The following LRP1B variants were observed in gnomAD, a reference collection of about 807,000 sequenced individuals.
LRP1B encodes low-density lipoprotein receptor-related protein 1B.
In LRP1B, 217 loss-of-function variants were observed where a neutral mutation model predicts 556.6. That is an observed-to-expected ratio of 0.39 (90% CI 0.35 to 0.44). The LOEUF is 0.44. Among genes scored for constraint, LRP1B ranks in the 20% least tolerant of loss-of-function variants. The pLI is 1.00. For synonymous variants in LRP1B, 2,047 were observed against 1,865.8 expected, an observed-to-expected ratio of 1.10 and a Z score of -2.50; for missense variants, 5,053 against 5,620.8, an observed-to-expected ratio of 0.90 and a Z score of 3.23.
chr2:141,323,798 A>G lies in LRP1B; in HGVS notation c.344-69157T>C, dbSNP rs115757927. On this transcript the variant is annotated intron_variant, in intron 3 of 90. Coordinates refer to ENST00000389484, the MANE Select transcript of LRP1B (RefSeq NM_018557.3). ...ATAACTTCTTCCCAACCTTTCCACA[A>G]ACTCAGAACTCAGCTTAAAAGTGAA... Among the ~76,000 whole-genome samples, 910 of 151,936 alleles carry G rather than the reference A, an allele frequency of 6.0e-3. 4 individuals are homozygous for G. Among genetic ancestry groups the G allele is most frequent in the African/African-American group, 0.02 (828 of 41,430 alleles).
At chr2:140,399,900 T>C (rs147362233) in intron 66 of LRP1B, among the ~76,000 whole-genome samples, 1 of 152,320 alleles carries the variant, frequency 6.6e-6, no homozygotes, top group East Asian at 1.9e-4. Flanking sequence ...TAGACAGTCT[T>C]TGGTATTCCC....
intron 49 of LRP1B, 89 bp from the exon 50 acceptor site, chr2:140,517,100 A>G: frequency 1.1e-6 from 1 of 902,726 alleles, no homozygotes; most frequent in Non-Finnish European, 1.8e-6. Flanking sequence ...AAACTGAAAG[A>G]GATAAATAAC....
At chr2:140,959,168 A>C (rs1416309952) in intron 18 of LRP1B, among the ~76,000 whole-genome samples, 1 of 151,620 alleles carries the variant, frequency 6.6e-6, no homozygotes, top group African/African-American at 2.4e-5. Context: ...AGATGGATAC[A>C]TAAAGTTTTA....
At chr2:140,278,562 G>A (rs1357324162) in intron 84 of LRP1B, among the ~76,000 whole-genome samples, 1 of 151,710 alleles carries the variant, frequency 6.6e-6, no homozygotes, top group Non-Finnish European at 1.5e-5. Context: ...TTTTTTCATA[G>A]CATGTCAGAT....
At chr2:141,347,297 G>GAAT in intron 3 of LRP1B, among the ~76,000 whole-genome samples, 1 of 151,954 alleles carries the variant, frequency 6.6e-6, no homozygotes, top group Non-Finnish European at 1.5e-5. Context: ...AATTTAAGTG[G>GAAT]TAATTGTAAT....
chr2:141,712,977 C>A (rs2105481500), intron 2 of LRP1B, among the ~76,000 whole-genome samples: 1 of 151,702 alleles, frequency 6.6e-6, no homozygotes, highest in East Asian at 1.9e-4. Flanking sequence ...GACGTCCAGC[C>A]AATTATTATA....
At chr2:140,289,446 C>T (rs561442567) in intron 84 of LRP1B, among the ~76,000 whole-genome samples, 93 of 152,032 alleles carry the variant, frequency 6.1e-4, no homozygotes, top group African/African-American at 2.2e-3. Context: ...TTGTTTAATA[C>T]ATATCAGTTG....
intron 34 of LRP1B, among the ~76,000 whole-genome samples, chr2:140,769,989 C>G (rs1234776430): frequency 6.6e-6 from 1 of 151,878 alleles, no homozygotes; most frequent in South Asian, 2.1e-4. Flanking sequence ...AGTACACACT[C>G]TAATGCTTAT....
chr2:141,195,068 G>A (rs910935285), intron 6 of LRP1B, among the ~76,000 whole-genome samples: 4 of 152,066 alleles, frequency 2.6e-5, no homozygotes, highest in East Asian at 1.9e-4. Flanking sequence ...TCCTGAAGGT[G>A]GGCTGTTCTT....
intron 7 of LRP1B, among the ~76,000 whole-genome samples, chr2:141,183,898 A>C (rs1278967271): frequency 6.6e-6 from 1 of 152,056 alleles, no homozygotes; most frequent in East Asian, 1.9e-4. Context: ...TATTCTAATA[A>C]TTATCACACC....
chr2:140,252,228 T>A (rs1298452459), intron 86 of LRP1B, among the ~76,000 whole-genome samples: 1 of 151,790 alleles, frequency 6.6e-6, no homozygotes, highest in Non-Finnish European at 1.5e-5. Context: ...TAGGTAATTT[T>A]AAAAGTCTTA....
intron 31 of LRP1B, among the ~76,000 whole-genome samples, chr2:140,838,830 A>G (rs537380043): frequency 1.3e-5 from 2 of 152,210 alleles, no homozygotes; most frequent in African/African-American, 4.8e-5. Context: ...GAAAGAAAAC[A>G]TGAGGAAAAA....
intron 3 of LRP1B, among the ~76,000 whole-genome samples, chr2:141,313,781 A>G (rs1035578924): frequency 2.0e-5 from 3 of 152,102 alleles, no homozygotes; most frequent in Admixed American, 6.5e-5. Flanking sequence ...TAGGGACACT[A>G]TTTGAGCAAC....
At chr2:141,837,487 CT>C (rs1268876378) in intron 1 of LRP1B, among the ~76,000 whole-genome samples, 2 of 152,004 alleles carry the variant, frequency 1.3e-5, no homozygotes, top group African/African-American at 4.8e-5. Context: ...AAATCTTCAG[CT>C]TTCATTGTAA....
intron 4 of LRP1B, among the ~76,000 whole-genome samples, chr2:141,253,811 CAGAG>C (rs1305022230): frequency 6.6e-6 from 1 of 150,694 alleles, no homozygotes; most frequent in Non-Finnish European, 1.5e-5. Context: ...AAGAGAGAGG[CAGAG>C]AGAGAGAGAC....
At chr2:140,540,539 T>C (rs1333649189) in intron 45 of LRP1B, among the ~76,000 whole-genome samples, 1 of 152,130 alleles carries the variant, frequency 6.6e-6, no homozygotes. Context: ...ATAAGCTGCA[T>C]GAGCCATTCT....
chr2:142,072,662 C>A (rs542644191), intron 1 of LRP1B, among the ~76,000 whole-genome samples: 1 of 152,040 alleles, frequency 6.6e-6, no homozygotes, highest in South Asian at 2.1e-4. Context: ...CAAGACAATT[C>A]TTTCAGTGTG....
chr2:141,420,036 T>C (rs1007082801), intron 3 of LRP1B, among the ~76,000 whole-genome samples: 1 of 152,194 alleles, frequency 6.6e-6, no homozygotes, highest in Non-Finnish European at 1.5e-5. Context: ...ATTTTATCTA[T>C]AGGGCTATTA....
At chr2:141,612,743 C>A (rs1311958614) in intron 2 of LRP1B, among the ~76,000 whole-genome samples, 1 of 152,172 alleles carries the variant, frequency 6.6e-6, no homozygotes, top group African/African-American at 2.4e-5. Context: ...TCCCTTTCGC[C>A]TTCGCATCAC....
Sources: allele counts gnomAD v4.1 joint callset (sites outside exome capture counted in the v4.1 genomes callset), GRCh38; gene constraint gnomAD v4.1.1; transcripts MANE v1.5; gene names NCBI Gene and HGNC (gene_info 2026-07-23, HGNC 2026-07-21).